Variants in PRKG1 observed in about 807,000 individuals in gnomAD.
PRKG1 encodes protein kinase cGMP-dependent 1.
Under a neutral mutation model 88.1 loss-of-function variants are expected in PRKG1, and 35 were observed. That is an observed-to-expected ratio of 0.40 (90% CI 0.30 to 0.53). PRKG1 has a LOEUF of 0.53. PRKG1 is among the 20% of genes least tolerant of loss of function. PRKG1 has a pLI of 0.59. For missense variants in PRKG1, 540 were observed against 839.8 expected (o/e 0.64, Z 4.41); for synonymous variants, 303 against 292.5 (o/e 1.04, Z -0.37).
intron 2 of PRKG1, among the ~76,000 whole-genome samples, chr10:51,416,525 T>C (rs969221635): frequency 6.6e-6 from 1 of 152,156 alleles, no homozygotes; most frequent in African/African-American, 2.4e-5. Context: ...CTCAACCAGT[T>C]TCAAACTATG....
At chr10:52,023,874 C>G (rs188051748) in intron 5 of PRKG1, among the ~76,000 whole-genome samples, 1 of 152,312 alleles carries the variant, frequency 6.6e-6, no homozygotes, top group Admixed American at 6.5e-5. Context: ...CCTATTTACT[C>G]TAATGATAGT....
chr10:51,502,754 C>G (rs1222835464), intron 3 of PRKG1, among the ~76,000 whole-genome samples: 5 of 152,110 alleles, frequency 3.3e-5, no homozygotes, highest in African/African-American at 1.2e-4. Flanking sequence ...GATGGTATAT[C>G]ATGCATTTTG....
At chr10:51,023,123 G>T (rs1843162024) in intron 1 of PRKG1, among the ~76,000 whole-genome samples, 1 of 152,170 alleles carries the variant, frequency 6.6e-6, no homozygotes, top group Non-Finnish European at 1.5e-5. Context: ...TTCTAATATG[G>T]GTGCTCTCAT....
intron 5 of PRKG1, among the ~76,000 whole-genome samples, chr10:52,040,577 C>T (rs186255109): frequency 2.0e-5 from 3 of 152,164 alleles, no homozygotes; most frequent in Non-Finnish European, 4.4e-5. Context: ...TACTCTTAGT[C>T]GTTATATTAT....
At position 51,374,093 on chromosome 10, in the gene PRKG1, A is replaced by AAAAAAAT; in HGVS notation, c.479-93629_479-93628insAAAAATA. On this transcript the variant is annotated intron_variant, in intron 2 of 17. Coordinates refer to ENST00000373980, the MANE Select transcript of PRKG1 (RefSeq NM_006258.4). ...GCTGGCAGAGGTTGCAAAAAAAAAA[A>AAAAAAAT]ATATATATATATATATATATGTACT... 9.0e-4 allele frequency among the ~76,000 whole-genome samples: 90 copies of AAAAAAAT among 100,168 alleles called. 5 individuals are homozygous for AAAAAAAT. The highest frequency in any genetic ancestry group is 1.1e-3 in the Non-Finnish European group (48 of 45,370). 65.7% of individuals were successfully genotyped at this position (100,168 alleles called of 152,430 possible). A position where few individuals can be genotyped will look rare whatever the true frequency, so the allele number is the denominator to read the frequency against.
At chr10:51,765,746 G>A (rs1183059977) in intron 3 of PRKG1, among the ~76,000 whole-genome samples, 2 of 150,722 alleles carry the variant, frequency 1.3e-5, no homozygotes, top group Admixed American at 6.6e-5. Flanking sequence ...AGCTCTCTTT[G>A]CATTCAAAGG....
chr10:51,392,466 A>C (rs1339280702), intron 2 of PRKG1, among the ~76,000 whole-genome samples: 1 of 152,230 alleles, frequency 6.6e-6, no homozygotes, highest in Non-Finnish European at 1.5e-5. Context: ...ACAGATCCAC[A>C]GGATCCCATG....
intron 2 of PRKG1, among the ~76,000 whole-genome samples, chr10:51,446,475 T>C (rs1482409362): frequency 6.6e-6 from 1 of 151,992 alleles, no homozygotes; most frequent in Non-Finnish European, 1.5e-5. Flanking sequence ...ATCCCAAACC[T>C]TTTTGGGAAT....
In PRKG1 at chr10:50,991,203, G is replaced by A. The variant is rs1034464571; in HGVS notation, c.-176G>A. The A allele has an allele frequency of 1.4e-5, 12 of 886,688 alleles. No homozygotes were observed. Among genetic ancestry groups the A allele is most frequent in the Non-Finnish European group, 1.6e-5 (10 of 613,618 alleles). The allele number at this position is 886,688 out of a possible 1,614,324, so 54.9% of individuals were successfully genotyped here. A position where few individuals can be genotyped will look rare whatever the true frequency, so the allele number is the denominator to read the frequency against. On this transcript the variant is annotated 5_prime_UTR_variant, in exon 1 of 18. Transcript: ENST00000401604. The surrounding 1 kb of genome is among the most constrained non-coding windows in gnomAD (Gnocchi z 4.5). ...TTAGTCCATTCAGCAGAAGCGGATC[G>A]AAGCAGGAGGCTCCCCGCGCCGCAT... is the stretch of plus-strand genomic sequence containing the variant.
intron 1 of PRKG1, among the ~76,000 whole-genome samples, chr10:50,999,245 A>G (rs1842863579): frequency 6.6e-6 from 1 of 152,196 alleles, no homozygotes; most frequent in South Asian, 2.1e-4. Flanking sequence ...TTGTTATTCA[A>G]GGATTTGATT....
chr10:51,252,869 G>A (rs1839462870), intron 2 of PRKG1, among the ~76,000 whole-genome samples: 1 of 151,728 alleles, frequency 6.6e-6, no homozygotes, highest in African/African-American at 2.4e-5. Flanking sequence ...CTTGAAACTG[G>A]CAATCATTGT....
chr10:51,542,285 A>G (rs1277724585), intron 3 of PRKG1, among the ~76,000 whole-genome samples: 1 of 152,156 alleles, frequency 6.6e-6, no homozygotes, highest in East Asian at 1.9e-4. Context: ...CATAACAGCA[A>G]CTAACATGCC....
chr10:51,104,122 G>A (rs899322331), intron 1 of PRKG1, among the ~76,000 whole-genome samples: 2 of 152,092 alleles, frequency 1.3e-5, no homozygotes, highest in African/African-American at 2.4e-5. Context: ...GGGAAAGAGG[G>A]CTGAATCATT....
At chr10:51,247,759 C>T (rs1319800477) in intron 2 of PRKG1, among the ~76,000 whole-genome samples, 1 of 151,812 alleles carries the variant, frequency 6.6e-6, no homozygotes, top group Non-Finnish European at 1.5e-5. Context: ...TCATTTCTGG[C>T]CTCTAAATTT....
chr10:51,374,477 A>C (rs907475031), intron 2 of PRKG1, among the ~76,000 whole-genome samples: 1 of 152,116 alleles, frequency 6.6e-6, no homozygotes. Context: ...ATAGATTAAG[A>C]GGTAAGGACT....
intron 2 of PRKG1, among the ~76,000 whole-genome samples, chr10:51,434,012 AC>A (rs1838849892): frequency 6.6e-6 from 1 of 152,094 alleles, no homozygotes; most frequent in African/African-American, 2.4e-5. Context: ...CCCTGCCATT[AC>A]CTGGCTGAGC....
At chr10:51,801,760 G>A (rs377684519) in intron 3 of PRKG1, among the ~76,000 whole-genome samples, 1 of 152,154 alleles carries the variant, frequency 6.6e-6, no homozygotes, top group African/African-American at 2.4e-5. Flanking sequence ...AAGGCCAACT[G>A]TTTCATGCAT....
intron 1 of PRKG1, among the ~76,000 whole-genome samples, chr10:51,121,529 C>G (rs1017189797): frequency 6.6e-6 from 1 of 152,152 alleles, no homozygotes; most frequent in Non-Finnish European, 1.5e-5. Flanking sequence ...AAGTACTGCA[C>G]TCAGAGATGA....
chr10:51,833,275 A>G (rs1458013371), intron 4 of PRKG1, among the ~76,000 whole-genome samples: 1 of 152,190 alleles, frequency 6.6e-6, no homozygotes. Context: ...TGAGTGACGT[A>G]AAATTTCATT....
Sources: gnomAD v4.1 joint callset for allele counts (sites outside exome capture counted in the v4.1 genomes callset) on GRCh38, gnomAD v4.1.1 for gene constraint, Gnocchi (gnomAD v3.1) non-coding constraint, MANE v1.5 for transcripts, NCBI Gene and HGNC (gene_info 2026-07-23, HGNC 2026-07-21) for gene names.